Variants in BRAF observed in about 807,000 individuals in gnomAD.
BRAF encodes serine/threonine-protein kinase B-raf.
BRAF carries 16 observed loss-of-function variants against 104.6 expected under a neutral mutation model. The observed-to-expected ratio is 0.15, with a 90% CI of 0.10 to 0.23. BRAF has a LOEUF of 0.23. BRAF is among the 10% of genes least tolerant of loss of function. The probability of loss-of-function intolerance (pLI) is 1.00; values close to 1 mark genes in which losing one functional copy is unlikely to be tolerated. For missense variants in BRAF, 541 were observed against 937.3 expected (o/e 0.58, Z 5.52); for synonymous variants, 310 against 341.6 (o/e 0.91, Z 1.02).
At chr7:140,862,016 A>T (rs1810471884) in intron 1 of BRAF, among the ~76,000 whole-genome samples, 1 of 152,230 alleles carries the variant, frequency 6.6e-6, no homozygotes, top group African/African-American at 2.4e-5. Context: ...CCTGGAGGAA[A>T]GCCAGTCAAT....
At chr7:140,874,913 A>C (rs1406372538) in intron 1 of BRAF, among the ~76,000 whole-genome samples, 2 of 152,114 alleles carry the variant, frequency 1.3e-5, no homozygotes, top group African/African-American at 4.8e-5. Flanking sequence ...GGTCATTTAA[A>C]AGTATGTGGC....
intron 19 of BRAF, chr7:140,726,591 G>C (rs1795609848): frequency 1.6e-6 from 2 of 1,258,610 alleles, no homozygotes; most frequent in Non-Finnish European, 2.2e-6. Flanking sequence ...AGCCTCATTT[G>C]AGCTTCACTG....
At chr7:140,730,108 T>C (rs1022613646) in intron 19 of BRAF, among the ~76,000 whole-genome samples, 2 of 152,084 alleles carry the variant, frequency 1.3e-5, no homozygotes, top group African/African-American at 2.4e-5. Flanking sequence ...GAGTAACAGG[T>C]GATGAATCTG....
At chr7:140,866,399 T>C (rs749322276) in intron 1 of BRAF, among the ~76,000 whole-genome samples, 3 of 152,306 alleles carry the variant, frequency 2.0e-5, no homozygotes, top group East Asian at 1.9e-4. Flanking sequence ...GGAAACACTG[T>C]CACAAATAAA....
intron 14 of BRAF, among the ~76,000 whole-genome samples, chr7:140,760,421 G>GAAAAA (rs55872126): frequency 9.0e-6 from 1 of 111,260 alleles, no homozygotes. Flanking sequence ...TTGAGAGAGA[G>GAAAAA]AAAAAAAAAA....
At position 140,719,724 on chromosome 7, in the gene BRAF, A is replaced by G. The variant is rs1795232737; in HGVS notation, c.*6770T>C. 6 of 1,061,938 alleles carry G rather than the reference A, an allele frequency of 5.7e-6. No homozygotes were observed. The highest frequency in any genetic ancestry group is 4.2e-4 in the Middle Eastern group (1 of 2,380). The allele number at this position is 1,061,938 out of a possible 1,614,324, so 65.8% of individuals were successfully genotyped here. A position where few individuals can be genotyped will look rare whatever the true frequency, so the allele number is the denominator to read the frequency against. On this transcript the variant is annotated 3_prime_UTR_variant, in exon 20 of 20. Transcript: ENST00000644969. ...ATGTCTTTTTTATGAATTGAAAAAT[A>G]AGCTTTAAAAATAGTTACTCCATTG...
intron 8 of BRAF, among the ~76,000 whole-genome samples, chr7:140,790,258 C>G (rs534291646): frequency 9.2e-5 from 14 of 152,344 alleles, no homozygotes; most frequent in African/African-American, 2.4e-4. Flanking sequence ...TCCACTCTTA[C>G]AAGTTACTGC....
intron 3 of BRAF, among the ~76,000 whole-genome samples, chr7:140,812,160 CTGTGTGTGTGTGTGTGTG>C (rs201757515): frequency 7.8e-5 from 11 of 140,544 alleles, no homozygotes; most frequent in Non-Finnish European, 3.1e-5. Context: ...GCATGCACAC[CTGTGTGTGTGTGTGTGTG>C]TGTGTGTGTG....
chr7:140,743,390 G>A (rs1797088927), intron 17 of BRAF, among the ~76,000 whole-genome samples: 1 of 152,210 alleles, frequency 6.6e-6, no homozygotes, highest in African/African-American at 2.4e-5. Flanking sequence ...ATACTATGCA[G>A]CCATAAAAAA....
At chr7:140,840,404 T>C (rs1416267762) in intron 2 of BRAF, among the ~76,000 whole-genome samples, 2 of 148,422 alleles carry the variant, frequency 1.3e-5, no homozygotes, top group African/African-American at 5.2e-5. Flanking sequence ...TTTAAACTTT[T>C]GTACTTCAAA....
intron 1 of BRAF, among the ~76,000 whole-genome samples, chr7:140,914,558 T>C (rs1335726252): frequency 6.6e-6 from 1 of 152,180 alleles, no homozygotes; most frequent in African/African-American, 2.4e-5. Flanking sequence ...TATATATTAA[T>C]GTGTGTAAAA....
chr7:140,910,204 A>G (rs1285864018), intron 1 of BRAF, among the ~76,000 whole-genome samples: 1 of 152,194 alleles, frequency 6.6e-6, no homozygotes, highest in African/African-American at 2.4e-5. Context: ...AATTTGCTCA[A>G]CTATAATCAG....
chr7:140,905,437 T>C (rs1335953002), intron 1 of BRAF, among the ~76,000 whole-genome samples: 2 of 152,236 alleles, frequency 1.3e-5, no homozygotes, highest in African/African-American at 4.8e-5. Context: ...CCACCTTTGA[T>C]ATTAACTGTA....
intron 1 of BRAF, among the ~76,000 whole-genome samples, chr7:140,856,563 G>A (rs774031480): frequency 1.3e-5 from 2 of 152,050 alleles, no homozygotes; most frequent in Non-Finnish European, 2.9e-5. Context: ...CATGAGTTTT[G>A]AATCATACAG....
At chr7:140,727,793 T>G (rs1184008235) in intron 19 of BRAF, among the ~76,000 whole-genome samples, 1 of 151,984 alleles carries the variant, frequency 6.6e-6, no homozygotes, top group Non-Finnish European at 1.5e-5. Context: ...GCTAATTTTT[T>G]TGTATTTTTA....
intron 1 of BRAF, among the ~76,000 whole-genome samples, chr7:140,909,008 T>TA (rs1239088632): frequency 2.1e-5 from 3 of 145,020 alleles, no homozygotes; most frequent in African/African-American, 8.1e-5. Context: ...TTTTTTTTTT[T>TA]AATACTGTTT....
intron 14 of BRAF, among the ~76,000 whole-genome samples, chr7:140,770,751 C>A (rs1799762326): frequency 6.6e-6 from 1 of 151,884 alleles, no homozygotes; most frequent in African/African-American, 2.4e-5. Flanking sequence ...GCCTGGCCAT[C>A]ATGGTGAAAA....
In BRAF at chr7:140,778,093, C is replaced by G. The variant is rs763267814; in HGVS notation, c.1553-18G>C. The G allele has an allele frequency of 6.2e-7, 1 of 1,611,574 alleles. No homozygotes were observed. The highest frequency in any genetic ancestry group is 8.5e-7 in the Non-Finnish European group (1 of 1,178,296). On this transcript the variant is annotated intron_variant, in intron 12 of 19. Coordinates refer to ENST00000644969, the MANE Select transcript of BRAF (RefSeq NM_001374258.1). ...CACATCACCTAAAAGGCAATTGTTA[C>G]TCCAAGTGTCATTTCAATTTTTAAA...
At chr7:140,807,895 T>C in intron 5 of BRAF, 65 bp downstream of exon 5, 13 of 1,331,284 alleles carry the variant, frequency 9.8e-6, no homozygotes, top group Non-Finnish European at 1.4e-5. Flanking sequence ...ATTCCCTAAA[T>C]AAAAATTCAT....
Sources: gnomAD v4.1 joint callset for allele counts (sites outside exome capture counted in the v4.1 genomes callset) on GRCh38, gnomAD v4.1.1 for gene constraint, MANE v1.5 for transcripts, NCBI Gene and HGNC (gene_info 2026-07-23, HGNC 2026-07-21) for gene names.